CABIN1: variants seen among roughly 807,000 people sequenced by gnomAD.
CABIN1 encodes calcineurin-binding protein cabin-1.
CABIN1 carries 133 observed loss-of-function variants against 227.7 expected under a neutral mutation model. That is an observed-to-expected ratio of 0.58 (90% CI 0.51 to 0.67). The LOEUF is 0.67. CABIN1 is among the 30% of genes least tolerant of loss of function. The pLI is 0.00. For missense variants in CABIN1, 2,408 were observed against 2,852.5 expected (o/e 0.84, Z 3.55); for synonymous variants, 1,086 against 1,155.1 (o/e 0.94, Z 1.21).
At chr22:24,073,764 A>C (rs1206804505) in intron 18 of CABIN1, among the ~76,000 whole-genome samples, 2 of 152,188 alleles carry the variant, frequency 1.3e-5, no homozygotes, top group Non-Finnish European at 2.9e-5. Flanking sequence ...GGACTGAGCA[A>C]GCCTTAAGTC....
intron 29 of CABIN1, among the ~76,000 whole-genome samples, chr22:24,160,582 G>A (rs2046093317): frequency 6.6e-6 from 1 of 152,220 alleles, no homozygotes; most frequent in Non-Finnish European, 1.5e-5. Context: ...GTCGAGCCCC[G>A]GGTTGGCCCT....
chr22:24,162,604 G>T (rs1255869499), intron 29 of CABIN1, among the ~76,000 whole-genome samples: 1 of 152,256 alleles, frequency 6.6e-6, no homozygotes, highest in African/African-American at 2.4e-5. Context: ...AATGAAACCA[G>T]AGCACATGCA....
At chr22:24,166,575 C>A (rs1412917750) in intron 31 of CABIN1, 64 bp from the exon 32 acceptor site, 1 of 1,608,230 alleles carries the variant, frequency 6.2e-7, no homozygotes, top group Non-Finnish European at 8.5e-7. Flanking sequence ...CACCAGCCCC[C>A]AGAGGTGACT....
chr22:24,119,932 G>T (rs188271969), intron 28 of CABIN1, among the ~76,000 whole-genome samples: 2 of 152,010 alleles, frequency 1.3e-5, no homozygotes, highest in Admixed American at 1.3e-4. Flanking sequence ...AGTGTAGGGG[G>T]TCTCACAGTC....
chr22:24,038,779 A>T (rs1046670553), intron 4 of CABIN1, among the ~76,000 whole-genome samples: 2 of 152,234 alleles, frequency 1.3e-5, no homozygotes, highest in African/African-American at 4.8e-5. Context: ...ACTGAGGCTT[A>T]GTGAGGTCTT....
chr22:24,048,477 G>A (rs1253433723), intron 6 of CABIN1, among the ~76,000 whole-genome samples: 1 of 152,152 alleles, frequency 6.6e-6, no homozygotes, highest in Non-Finnish European at 1.5e-5. Flanking sequence ...CTAGAGTACG[G>A]TGGTATGATC....
At position 24,167,319 on chromosome 22, in the gene CABIN1, T is replaced by C; in HGVS notation, c.5682+6T>C. On this transcript the variant is annotated splice_donor_region_variant and intron_variant, in intron 32 of 36. Transcript: ENST00000263119. ...CCTACATGCTCATCAAGCAGGTGGG[T>C]GGCAGGCAGAGGCCTGGGGGCACTA... 2 of 1,610,704 alleles carry C rather than the reference T, an allele frequency of 1.2e-6. No individual in the cohort carries two copies. Among genetic ancestry groups the C allele is most frequent in the Non-Finnish European group, 1.7e-6 (2 of 1,178,884 alleles).
At position 24,157,533 on chromosome 22, in the gene CABIN1, A is replaced by G. The variant is rs1415661425; in HGVS notation, c.4747-6867A>G. Among the ~76,000 whole-genome samples the G allele has an allele frequency of 2.6e-5, 4 of 152,178 alleles. No individual in the cohort carries two copies. In the East Asian group the frequency reaches 7.7e-4, roughly 29 times the overall value. On this transcript the variant is annotated intron_variant, in intron 29 of 36. Coordinates refer to ENST00000263119, the MANE Select transcript of CABIN1 (RefSeq NM_012295.4). The stretch of plus-strand genomic sequence containing the variant: ...CCTGCAGGCTGGCTGCCCTGGAACA[A>G]GTCTCTCCCCCAGCAAGGTGTAAGT...
intron 25 of CABIN1, 128 bp from the exon 26 acceptor site, chr22:24,097,886 G>T: frequency 1.7e-6 from 2 of 1,195,708 alleles, no homozygotes; most frequent in Non-Finnish European, 2.5e-6. Flanking sequence ...CCAGGCAGAT[G>T]GGGTGGGGGC....
Position 24,011,379 on chromosome 22 carries a change from G to A in CABIN1, c.-75+12G>A, listed in dbSNP as rs1325070088. ...TGTGGAGACGCCTGGTGAGTTCCTG[G>A]AAGGCTGGTTTGAAGGCGGTGCCGG... On this transcript the variant is annotated intron_variant, in intron 1 of 36. Coordinates refer to ENST00000263119, the MANE Select transcript of CABIN1 (RefSeq NM_012295.4). 1 of 153,110 alleles carries A rather than the reference G, an allele frequency of 6.5e-6. No homozygotes were observed. Among genetic ancestry groups the A allele is most frequent in the African/African-American group, 2.4e-5 (1 of 41,470 alleles). 9.5% of individuals were successfully genotyped at this position (153,110 alleles called of 1,614,324 possible).
At chr22:24,111,485 C>G (rs984614818) in intron 26 of CABIN1, among the ~76,000 whole-genome samples, 4 of 152,148 alleles carry the variant, frequency 2.6e-5, no homozygotes, top group Non-Finnish European at 4.4e-5. Context: ...CTAGGTTGTG[C>G]GCTCCTCGTG....
In CABIN1 at chr22:24,165,584, C is replaced by T. The variant is rs1428433461; in HGVS notation, c.4965C>T (p.Leu1655=). 6.2e-7 allele frequency: 1 copy of T among 1,613,246 alleles called. No homozygotes were observed. The highest frequency in any genetic ancestry group is 1.1e-5 in the South Asian group (1 of 91,056). ...RQVLAQRAFI[L]TVKVLEDTLS... The stretch of plus-strand genomic sequence containing the variant: ...TCCTGGCGCAGCGGGCCTTCATCCT[C>T]ACTGTGAAGGTGCTCGAAGACACGC... The change falls in exon 31 of 37, where the codon CTC becomes CTT. Residue 1655 remains leucine, a synonymous_variant. Coordinates refer to ENST00000263119, the MANE Select transcript of CABIN1 (RefSeq NM_012295.4).
Position 24,060,049 on chromosome 22 carries a change from G to C in CABIN1, c.1525G>C (p.Glu509Gln). The change falls in exon 12 of 37, where the codon GAG (glutamate) becomes CAG (glutamine). Residue 509 changes from glutamate to glutamine, a missense_variant. Physicochemically the swap from Glu to Gln is conservative, Grantham distance 29. Coordinates refer to ENST00000263119, the MANE Select transcript of CABIN1 (RefSeq NM_012295.4). The stretch of plus-strand genomic sequence containing the variant: ...GGTAAGGTGGCCTCCAGGCTTGGCG[G>C]AGGTCGTGCTCAGCGTCTACCACAG... ...FLVRWPPGLA[E>Q]VVLSVYHSWR... 1 of 1,614,156 alleles carries C rather than the reference G, an allele frequency of 6.2e-7. No homozygotes were observed. The highest frequency in any genetic ancestry group is 1.1e-5 in the South Asian group (1 of 91,084).
chr22:24,132,049 G>A (rs191626385), intron 28 of CABIN1, among the ~76,000 whole-genome samples: 3 of 145,956 alleles, frequency 2.1e-5, no homozygotes, highest in South Asian at 2.2e-4. Flanking sequence ...GTTACGGAGT[G>A]ACACTCTGTC....
At chr22:24,085,726 T>C (rs912997799) in intron 22 of CABIN1, among the ~76,000 whole-genome samples, 1 of 152,226 alleles carries the variant, frequency 6.6e-6, no homozygotes, top group Non-Finnish European at 1.5e-5. Context: ...AATGTAGTGA[T>C]TGCCTGGAGC....
intron 28 of CABIN1, among the ~76,000 whole-genome samples, chr22:24,128,892 G>C (rs996814946): frequency 1.3e-5 from 2 of 152,220 alleles, no homozygotes; most frequent in African/African-American, 4.8e-5. Flanking sequence ...AGGAGTTGTA[G>C]AGCCTGACCT....
Position 24,119,400 on chromosome 22 carries a change from G to T in CABIN1, c.4334G>T (p.Gly1445Val). Residue 1445 changes from glycine (G) to valine (V), a missense_variant, in exon 28 of 37, where the codon GGC becomes GTC. Around this residue, in one of 3 missense-constraint regions of CABIN1, gnomAD observed 649 missense variants for 910.3 expected, o/e 0.71. Transcript: ENST00000263119. Reference protein sequence around the residue: ...KNEESLESTEGFRAAEQGVQK... With the variant: ...KNEESLESTEVFRAAEQGVQK... Reference sequence around the variant, plus strand: ...GAGGAGTCATTGGAGAGTACAGAAGGCTTCCGGGCTGCAGAGCAAGGTGTC... The same window carrying T: ...GAGGAGTCATTGGAGAGTACAGAAGTCTTCCGGGCTGCAGAGCAAGGTGTC... 2 of 1,613,920 alleles carry T rather than the reference G, an allele frequency of 1.2e-6. No homozygotes were observed. The highest frequency in any genetic ancestry group is 2.2e-5 in the South Asian group (2 of 91,090).
At chr22:24,127,488 G>C (rs1475910001) in intron 28 of CABIN1, among the ~76,000 whole-genome samples, 1 of 152,214 alleles carries the variant, frequency 6.6e-6, no homozygotes, top group Admixed American at 6.5e-5. Context: ...GAAGTAGTCT[G>C]ATTCTAGATG....
At chr22:24,148,979 C>G (rs1555984960) in intron 29 of CABIN1, among the ~76,000 whole-genome samples, 1 of 152,246 alleles carries the variant, frequency 6.6e-6, no homozygotes, top group Non-Finnish European at 1.5e-5. Flanking sequence ...TTTCCTCCCT[C>G]TGCTTTCCCC....
Sources: allele counts gnomAD v4.1 joint callset (sites outside exome capture counted in the v4.1 genomes callset), GRCh38; gene constraint gnomAD v4.1.1; regional missense constraint gnomAD v4.1.1; transcripts MANE v1.5; gene names NCBI Gene and HGNC (gene_info 2026-07-23, HGNC 2026-07-21).